GRK3: variants seen among roughly 807,000 people sequenced by gnomAD.
The protein encoded by GRK3 is G protein-coupled receptor kinase 3.
A neutral mutation model predicts 95.7 loss-of-function variants in GRK3; 54 were observed. The ratio of observed to expected loss-of-function variants is 0.56; its 90% CI spans 0.45 to 0.71. The LOEUF (loss-of-function observed/expected upper bound fraction) is 0.71, where lower values mean the gene tolerates loss of function less well. GRK3 is among the 30% of genes least tolerant of loss of function. The probability of loss-of-function intolerance (pLI) is 0.00; values close to 1 mark genes in which losing one functional copy is unlikely to be tolerated. For synonymous variants in GRK3, 281 were observed against 290.8 expected, an observed-to-expected ratio of 0.97 and a Z score of 0.34; for missense variants, 649 against 851.2, an observed-to-expected ratio of 0.76 and a Z score of 2.96.
intron 3 of GRK3, among the ~76,000 whole-genome samples, chr22:25,650,591 G>T (rs1035701978): frequency 6.6e-6 from 1 of 152,108 alleles, no homozygotes; most frequent in Non-Finnish European, 1.5e-5. Context: ...AAAGAAATAC[G>T]AGAAAAGAAA....
rs759175038 is a variant in GRK3, at chr22:25,718,114, T to G, written c.1655-131T>G. On this transcript the variant is annotated intron_variant, in intron 18 of 20. Coordinates refer to ENST00000324198, the MANE Select transcript of GRK3 (RefSeq NM_005160.4). Reference sequence around the variant, plus strand: ...TGCACTTAAAACTAAAATCGTGACTTCTGTAATGCGTTCTATTTATAGAAA... The same window carrying G: ...TGCACTTAAAACTAAAATCGTGACTGCTGTAATGCGTTCTATTTATAGAAA... The G allele has an allele frequency of 1.6e-4, 157 of 990,036 alleles. 1 individual carries two copies. The highest frequency in any genetic ancestry group is 2.3e-4 in the Non-Finnish European group (149 of 662,066). The allele number at this position is 990,036 out of a possible 1,614,324, so 61.3% of individuals were successfully genotyped here.
At chr22:25,718,222 C>A (rs747351252) in intron 18 of GRK3, 23 bp from the exon 19 acceptor site, 79 of 1,608,014 alleles carry the variant, frequency 4.9e-5, no homozygotes, top group Non-Finnish European at 6.1e-5. Flanking sequence ...CTATTTAACT[C>A]CTAGTGATTT....
chr22:25,585,024 G>C (rs139375049), intron 1 of GRK3, among the ~76,000 whole-genome samples: 94 of 152,386 alleles, frequency 6.2e-4, no homozygotes, highest in African/African-American at 2.2e-3. Context: ...TAAAGTCTAG[G>C]TAAAGTGGAG....
Position 25,565,069 on chromosome 22 carries a change from A to T in GRK3, c.29A>T (p.Asp10Val). MADLEAVLA[D>V]VSYLMAMEKS... ...GCGGACCTGGAGGCTGTGCTGGCCG[A>T]TGTCAGTTACCTGATGGCCATGGAG... Residue 10 changes from aspartate (D) to valine (V), a missense_variant, in exon 1 of 21, where the codon GAT becomes GTT. This residue lies in a region of GRK3 where 206 missense variants were observed against 231.4 expected (regional missense o/e 0.89). Transcript: ENST00000324198. 6.7e-7 allele frequency: 1 copy of T among 1,492,618 alleles called. No individual in the cohort carries two copies. Among genetic ancestry groups the T allele is most frequent in the African/African-American group, 1.5e-5 (1 of 67,312 alleles). 92.5% of individuals were successfully genotyped at this position (1,492,618 alleles called of 1,614,324 possible). A position where few individuals can be genotyped will look rare whatever the true frequency, so the allele number is the denominator to read the frequency against.
At chr22:25,594,862 G>A (rs1051097930) in intron 1 of GRK3, among the ~76,000 whole-genome samples, 1 of 152,002 alleles carries the variant, frequency 6.6e-6, no homozygotes. Context: ...CTGGGCAACA[G>A]AGCGAAACTC....
chr22:25,695,026 G>A (rs370629256), intron 12 of GRK3, 81 bp from the exon 13 acceptor site: 9 of 916,260 alleles, frequency 9.8e-6, no homozygotes, highest in Admixed American at 8.0e-5. Flanking sequence ...ATCTAATGAA[G>A]GACACCCGGA....
At chr22:25,696,139 C>T (rs539212016) in intron 13 of GRK3, among the ~76,000 whole-genome samples, 2 of 151,968 alleles carry the variant, frequency 1.3e-5, no homozygotes, top group African/African-American at 2.4e-5. Context: ...CCGGCCTACA[C>T]CCAGCTAATT....
intron 1 of GRK3, among the ~76,000 whole-genome samples, chr22:25,568,572 C>T (rs747922512): frequency 6.6e-6 from 1 of 151,998 alleles, no homozygotes; most frequent in Non-Finnish European, 1.5e-5. Flanking sequence ...TTTATGATAC[C>T]GTTTATGACA....
At chr22:25,594,317 G>T (rs58485799) in intron 1 of GRK3, among the ~76,000 whole-genome samples, 182 of 152,054 alleles carry the variant, frequency 1.2e-3, no homozygotes, top group African/African-American at 4.2e-3. Flanking sequence ...GTAGAAAAAA[G>T]TCAAGGAGGA....
chr22:25,628,000 A>G (rs922081088), intron 2 of GRK3, among the ~76,000 whole-genome samples: 2 of 152,226 alleles, frequency 1.3e-5, no homozygotes, highest in African/African-American at 2.4e-5. Context: ...CTTCTATGCA[A>G]AAGCCCCATC....
chr22:25,565,178 G>A (rs542893330), intron 1 of GRK3, 25 bp downstream of exon 1: 6 of 1,371,816 alleles, frequency 4.4e-6, no homozygotes, highest in South Asian at 4.0e-5. Flanking sequence ...GGCCGGCGCC[G>A]GCCCCAAGCC....
intron 8 of GRK3, among the ~76,000 whole-genome samples, chr22:25,677,378 A>G (rs1406372515): frequency 5.2e-4 from 65 of 126,104 alleles, no homozygotes; most frequent in African/African-American, 1.8e-3. Context: ...CCCATATCTT[A>G]AAAAAAAAAA....
intron 2 of GRK3, among the ~76,000 whole-genome samples, chr22:25,629,528 A>G (rs1275289855): frequency 6.6e-6 from 1 of 152,212 alleles, no homozygotes; most frequent in African/African-American, 2.4e-5. Context: ...CCATTAAGAA[A>G]TCACTGTGAT....
chr22:25,690,299 A>C lies in GRK3; in HGVS notation c.1052+16A>C, dbSNP rs755236063. The C allele has an allele frequency of 2.5e-6, 4 of 1,579,370 alleles. No individual in the cohort carries two copies. The highest frequency in any genetic ancestry group is 3.5e-6 in the Non-Finnish European group (4 of 1,148,576). On this transcript the variant is annotated intron_variant, in intron 12 of 20. Transcript: ENST00000324198. Reference sequence around the variant, plus strand: ...ATGCGAGTGTGTAAGTAGTGCGTCAACTTCAGTTCACCACCATTTCTCTCC... The same window carrying C: ...ATGCGAGTGTGTAAGTAGTGCGTCACCTTCAGTTCACCACCATTTCTCTCC...
intron 1 of GRK3, chr22:25,580,557 G>A (rs1363742127): frequency 4.6e-5 from 7 of 152,254 alleles, no homozygotes; most frequent in Admixed American, 4.6e-4. Flanking sequence ...GATTGGGATG[G>A]AGTTTTGCTC....
intron 3 of GRK3, among the ~76,000 whole-genome samples, chr22:25,661,217 G>A (rs561384834): frequency 2.2e-4 from 34 of 152,294 alleles, no homozygotes; most frequent in Non-Finnish European, 4.6e-4. Flanking sequence ...CTGAATTACA[G>A]CCAAATTGAA....
chr22:25,677,361 A>AT, intron 8 of GRK3, among the ~76,000 whole-genome samples: 1 of 146,838 alleles, frequency 6.8e-6, no homozygotes, highest in Non-Finnish European at 1.5e-5. Context: ...GGGCAACAGA[A>AT]TGAGACCCCA....
chr22:25,639,451 T>C (rs1357569406), intron 2 of GRK3, among the ~76,000 whole-genome samples: 2 of 152,212 alleles, frequency 1.3e-5, no homozygotes, highest in South Asian at 2.1e-4. Context: ...TTAAATTGAC[T>C]ATATAAATGT....
chr22:25,677,827 C>T lies in GRK3; in HGVS notation c.648-989C>T, dbSNP rs185074282. ...GTGTGAAAACACTTGCAAGAATTCCCTTTTAGCCTTCTGTTGTCCTACCGA... is the reference window on the plus strand; with the variant it reads ...GTGTGAAAACACTTGCAAGAATTCCTTTTTAGCCTTCTGTTGTCCTACCGA... On this transcript the variant is annotated intron_variant, in intron 8 of 20. Coordinates refer to ENST00000324198, the MANE Select transcript of GRK3 (RefSeq NM_005160.4). 9.8e-5 allele frequency among the ~76,000 whole-genome samples: 15 copies of T among 152,296 alleles called. No individual in the cohort carries two copies. The East Asian group carries it at 1.9e-3, about 20-fold the overall frequency.
Sources: gnomAD v4.1 joint callset for allele counts (sites outside exome capture counted in the v4.1 genomes callset) on GRCh38, gnomAD v4.1.1 for gene constraint, gnomAD v4.1.1 regional missense constraint, MANE v1.5 for transcripts, NCBI Gene and HGNC (gene_info 2026-07-23, HGNC 2026-07-21) for gene names.